LIN9: variants seen among roughly 807,000 people sequenced by gnomAD.
The protein encoded by LIN9 is protein lin-9 homolog.
A neutral mutation model predicts 78.0 loss-of-function variants in LIN9; 18 were observed. That is an observed-to-expected ratio of 0.23 (90% CI 0.16 to 0.34). The LOEUF is 0.34. LIN9 is among the 10% of genes least tolerant of loss of function. The probability of loss-of-function intolerance (pLI) is 1.00; values close to 1 mark genes in which losing one functional copy is unlikely to be tolerated. For synonymous variants in LIN9, 192 were observed against 215.2 expected (o/e 0.89, Z 0.94); for missense variants, 451 against 644.1 (o/e 0.70, Z 3.25).
At chr1:226,264,074 TCAAA>T (rs1659764278) in intron 10 of LIN9, among the ~76,000 whole-genome samples, 2 of 151,840 alleles carry the variant, frequency 1.3e-5, no homozygotes, top group South Asian at 2.1e-4. Flanking sequence ...AGACTTTGTC[TCAAA>T]CAAACAAATA....
intron 7 of LIN9, among the ~76,000 whole-genome samples, chr1:226,269,577 A>C (rs904592324): frequency 6.6e-6 from 1 of 152,184 alleles, no homozygotes. Flanking sequence ...ACTACCACCA[A>C]CGTGGTCGAT....
chr1:226,256,294 C>T (rs1659190623), intron 10 of LIN9, among the ~76,000 whole-genome samples: 1 of 152,076 alleles, frequency 6.6e-6, no homozygotes, highest in Non-Finnish European at 1.5e-5. Flanking sequence ...AGAACTTCAT[C>T]TGACTTCTTC....
At chr1:226,294,065 T>C (rs1009312148) in intron 4 of LIN9, among the ~76,000 whole-genome samples, 1 of 152,126 alleles carries the variant, frequency 6.6e-6, no homozygotes, top group Admixed American at 6.6e-5. Context: ...CCCAGCAGTT[T>C]AGGAGGCTGA....
chr1:226,267,227 G>GGA (rs1256888470), intron 8 of LIN9, among the ~76,000 whole-genome samples: 13 of 72,898 alleles, frequency 1.8e-4, no homozygotes, highest in Non-Finnish European at 2.8e-4. Context: ...TCTGCACTAA[G>GGA]GAGATATATA....
intron 6 of LIN9, among the ~76,000 whole-genome samples, chr1:226,279,668 G>A (rs1234587264): frequency 6.7e-5 from 10 of 148,726 alleles, no homozygotes; most frequent in African/African-American, 2.0e-4. Context: ...CCAGCTAGTC[G>A]GGAGGCTGAG....
At chr1:226,304,617 G>A (rs1662784036) in intron 1 of LIN9, among the ~76,000 whole-genome samples, 2 of 152,192 alleles carry the variant, frequency 1.3e-5, no homozygotes, top group Admixed American at 1.3e-4. Flanking sequence ...TTTCTCTGAG[G>A]AGGTAACATC....
intron 6 of LIN9, among the ~76,000 whole-genome samples, chr1:226,280,225 C>T (rs1042917597): frequency 3.9e-5 from 6 of 152,078 alleles, no homozygotes; most frequent in African/African-American, 1.4e-4. Flanking sequence ...ACATTATGAG[C>T]TCTATTGTCA....
chr1:226,274,581 C>T (rs1660514068), intron 7 of LIN9, among the ~76,000 whole-genome samples: 1 of 151,952 alleles, frequency 6.6e-6, no homozygotes, highest in Non-Finnish European at 1.5e-5. Flanking sequence ...ATAATGTCCC[C>T]TCTCTCCTGT....
At chr1:226,256,191 T>C (rs1307715493) in intron 10 of LIN9, among the ~76,000 whole-genome samples, 1 of 151,834 alleles carries the variant, frequency 6.6e-6, no homozygotes, top group Non-Finnish European at 1.5e-5. Flanking sequence ...GAGACCAGCC[T>C]GGACAACATG....
intron 10 of LIN9, among the ~76,000 whole-genome samples, chr1:226,263,711 A>G (rs1397833328): frequency 6.6e-6 from 1 of 152,186 alleles, no homozygotes; most frequent in Non-Finnish European, 1.5e-5. Context: ...TCAATCTTTC[A>G]TATAAAATAT....
At chr1:226,295,580 A>C (rs941806948) in intron 4 of LIN9, among the ~76,000 whole-genome samples, 4 of 152,148 alleles carry the variant, frequency 2.6e-5, no homozygotes, top group Admixed American at 1.3e-4. Flanking sequence ...CAAACCTACA[A>C]ATTGATGCCA....
intron 4 of LIN9, among the ~76,000 whole-genome samples, chr1:226,290,903 C>T (rs1038794408): frequency 6.6e-6 from 1 of 152,072 alleles, no homozygotes; most frequent in Non-Finnish European, 1.5e-5. Flanking sequence ...ACTACAGGCA[C>T]GTGCCGCCAC....
intron 7 of LIN9, among the ~76,000 whole-genome samples, chr1:226,269,138 C>A (rs1660106834): frequency 6.6e-6 from 1 of 152,160 alleles, no homozygotes. Context: ...ACATTTTATA[C>A]TAACCAAAAA....
intron 7 of LIN9, among the ~76,000 whole-genome samples, chr1:226,273,923 C>T (rs867406722): frequency 2.0e-5 from 3 of 151,676 alleles, no homozygotes; most frequent in South Asian, 2.1e-4. Context: ...CTGCAACCTC[C>T]GCCTCCTGGG....
At chr1:226,240,639 T>C (rs868182299) in intron 11 of LIN9, among the ~76,000 whole-genome samples, 17 of 152,130 alleles carry the variant, frequency 1.1e-4, no homozygotes, top group South Asian at 4.1e-4. Flanking sequence ...TCTGCCTGCC[T>C]TGGCCTCCCT....
intron 2 of LIN9, 91 bp from the exon 3 acceptor site, chr1:226,297,904 C>T (rs114797983): frequency 0.039 from 19,439 of 503,764 alleles, 519 homozygotes; most frequent in Non-Finnish European, 0.049. Context: ...AGCCATATAT[C>T]TAAAATATTT....
At chr1:226,237,315 T>G (rs1457714002) in intron 12 of LIN9, among the ~76,000 whole-genome samples, 1 of 152,166 alleles carries the variant, frequency 6.6e-6, no homozygotes, top group Non-Finnish European at 1.5e-5. Context: ...CTGACAACTA[T>G]CAGGAAAATA....
chr1:226,300,745 A>C (rs966423807), intron 2 of LIN9, among the ~76,000 whole-genome samples: 5 of 151,994 alleles, frequency 3.3e-5, no homozygotes, highest in African/African-American at 1.2e-4. Context: ...AATCCCAGCT[A>C]CTCAGGGGGC....
intron 1 of LIN9, among the ~76,000 whole-genome samples, chr1:226,302,436 G>C (rs1397992716): frequency 6.6e-6 from 1 of 151,984 alleles, no homozygotes; most frequent in Non-Finnish European, 1.5e-5. Context: ...CCAGCTACTC[G>C]GGAGGCTGAG....
Sources: allele counts gnomAD v4.1 joint callset (sites outside exome capture counted in the v4.1 genomes callset), GRCh38; gene constraint gnomAD v4.1.1; transcripts MANE v1.5; gene names NCBI Gene and HGNC (gene_info 2026-07-23, HGNC 2026-07-21).